The following LIMCH1 variants were observed in gnomAD, a reference collection of about 807,000 sequenced individuals.
LIMCH1 encodes the protein LIM and calponin homology domains-containing protein 1.
Under a neutral mutation model 176.5 loss-of-function variants are expected in LIMCH1, and 113 were observed. That is an observed-to-expected ratio of 0.64 (90% CI 0.55 to 0.75). LIMCH1 has a LOEUF of 0.75. Among genes scored for constraint, LIMCH1 ranks in the 30% least tolerant of loss-of-function variants. LIMCH1 has a pLI of 0.00. For missense variants in LIMCH1, 1,674 were observed against 1,814.9 expected, an observed-to-expected ratio of 0.92 and a Z score of 1.41; for synonymous variants, 619 against 645.9, an observed-to-expected ratio of 0.96 and a Z score of 0.63.
intron 2 of LIMCH1, among the ~76,000 whole-genome samples, chr4:41,513,249 C>T (rs989950714): frequency 1.3e-5 from 2 of 152,180 alleles, no homozygotes; most frequent in African/African-American, 4.8e-5. Context: ...TACTACATGG[C>T]TTTTGCATCA....
upstream of LIMCH1, among the ~76,000 whole-genome samples, chr4:41,533,172 A>T (rs966725521): frequency 1.3e-5 from 2 of 152,206 alleles, no homozygotes; most frequent in Non-Finnish European, 2.9e-5. Context: ...CCTGAGAAAG[A>T]AAGAAAGAGA....
chr4:41,651,583 A>T (rs1198072682), intron 18 of LIMCH1, among the ~76,000 whole-genome samples: 1 of 152,180 alleles, frequency 6.6e-6, no homozygotes, highest in Non-Finnish European at 1.5e-5. Flanking sequence ...AAATCTTTAA[A>T]ATACCTTTTC....
At chr4:41,446,899 G>C (rs1418626500) in intron 1 of LIMCH1, among the ~76,000 whole-genome samples, 1 of 152,134 alleles carries the variant, frequency 6.6e-6, no homozygotes, top group Non-Finnish European at 1.5e-5. Context: ...GATCAGTGTC[G>C]TGGAGACATT....
intron 1 of LIMCH1, among the ~76,000 whole-genome samples, chr4:41,544,184 A>G (rs547147275): frequency 6.6e-6 from 1 of 152,148 alleles, no homozygotes; most frequent in South Asian, 2.1e-4. Context: ...ATAAACTGCT[A>G]TTAAATAAAT....
At chr4:41,550,894 C>T (rs1415857277) in intron 1 of LIMCH1, among the ~76,000 whole-genome samples, 1 of 152,068 alleles carries the variant, frequency 6.6e-6, no homozygotes, top group Non-Finnish European at 1.5e-5. Flanking sequence ...CTTTTATAAT[C>T]GGGGCACACA....
At chr4:41,564,554 A>G (rs886730144) in intron 1 of LIMCH1, among the ~76,000 whole-genome samples, 2 of 152,154 alleles carry the variant, frequency 1.3e-5, no homozygotes, top group Non-Finnish European at 2.9e-5. Flanking sequence ...AAAAAAGTGG[A>G]TATGATCCCT....
At chr4:41,435,016 A>G (rs1209842097) in intron 1 of LIMCH1, among the ~76,000 whole-genome samples, 1 of 152,216 alleles carries the variant, frequency 6.6e-6, no homozygotes, top group African/African-American at 2.4e-5. Context: ...GCCTCTGGCT[A>G]TATTATCTTA....
intron 7 of LIMCH1, among the ~76,000 whole-genome samples, chr4:41,626,263 C>T (rs1420961778): frequency 6.6e-6 from 1 of 152,110 alleles, no homozygotes; most frequent in Non-Finnish European, 1.5e-5. Flanking sequence ...TGTCACACAG[C>T]TGCATTCATT....
rs1178623059 is a variant in LIMCH1, at chr4:41,498,431, T to C, written c.167+3825T>C. Among the ~76,000 whole-genome samples, 15 of 152,348 alleles carry C rather than the reference T, an allele frequency of 9.8e-5. 1 individual carries two copies. The highest frequency in any genetic ancestry group is 2.9e-5 in the Non-Finnish European group (2 of 68,032). The stretch of plus-strand genomic sequence containing the variant: ...AATAGAGTGCCTGTGCCCAGTGGAA[T>C]GGCAGTAGATGTGTTTTTGCCATAC... On this transcript the variant is annotated intron_variant, in intron 2 of 26. Coordinates refer to the LIMCH1 transcript ENST00000313860.
Position 41,680,181 on chromosome 4 carries a change from G to A in LIMCH1, c.3612+83G>A, listed in dbSNP as rs1011023098. The stretch of plus-strand genomic sequence containing the variant: ...AACACTCTCTGTGTCTGTGGCATGC[G>A]GATGCATGTGGCTGTGTCTGACTCT... On this transcript the variant is annotated intron_variant, in intron 24 of 31. Transcript: ENST00000503057. 2.7e-4 allele frequency: 244 copies of A among 888,528 alleles called. 1 individual carries two copies. Among genetic ancestry groups the A allele is most frequent in the Non-Finnish European group, 4.0e-5 (22 of 550,322 alleles). The allele number at this position is 888,528 out of a possible 1,614,324, so 55.0% of individuals were successfully genotyped here.
intron 1 of LIMCH1, among the ~76,000 whole-genome samples, chr4:41,442,285 G>A (rs947870315): frequency 1.3e-5 from 2 of 151,822 alleles, no homozygotes; most frequent in Non-Finnish European, 2.9e-5. Context: ...GGGCAACAGA[G>A]CCAGACCCTG....
At chr4:41,400,820 A>G (rs1195675649) in intron 1 of LIMCH1, among the ~76,000 whole-genome samples, 1 of 152,238 alleles carries the variant, frequency 6.6e-6, no homozygotes, top group Non-Finnish European at 1.5e-5. Context: ...TGAAATTTGC[A>G]ACAGAAATTT....
At chr4:41,534,038 A>G (rs545758041), upstream of LIMCH1, among the ~76,000 whole-genome samples, 4 of 152,318 alleles carry the variant, frequency 2.6e-5, no homozygotes, top group East Asian at 7.7e-4. Context: ...TTTTGTGTGC[A>G]GTAAAAGCCA....
chr4:41,615,300 C>CT (rs144675916), intron 5 of LIMCH1, among the ~76,000 whole-genome samples: 1,819 of 152,172 alleles, frequency 0.012, 23 homozygotes, highest in African/African-American at 0.03. Context: ...TCATTACCAG[C>CT]TTTGGGGGGT....
intron 5 of LIMCH1, among the ~76,000 whole-genome samples, chr4:41,614,319 T>C (rs972259650): frequency 6.6e-6 from 1 of 152,246 alleles, no homozygotes; most frequent in Non-Finnish European, 1.5e-5. Flanking sequence ...CAAAAATGTG[T>C]AATCATGTAA....
chr4:41,618,162 C>A (rs1025891625), intron 5 of LIMCH1, among the ~76,000 whole-genome samples: 1 of 152,108 alleles, frequency 6.6e-6, no homozygotes, highest in Middle Eastern at 3.2e-3. Context: ...TTATTTGTTA[C>A]CACCATAGTT....
chr4:41,619,667 C>G (rs1216731066), intron 6 of LIMCH1: 2 of 577,012 alleles, frequency 3.5e-6, no homozygotes, highest in African/African-American at 3.7e-5. Flanking sequence ...TCAGCAACTA[C>G]TTGTCTAAAT....
chr4:41,497,601 C>T (rs1277222373), intron 2 of LIMCH1, among the ~76,000 whole-genome samples: 3 of 152,082 alleles, frequency 2.0e-5, no homozygotes, highest in East Asian at 1.9e-4. Flanking sequence ...GTCAGGAGTT[C>T]AAGACCAGCC....
intron 1 of LIMCH1, among the ~76,000 whole-genome samples, chr4:41,436,113 C>T (rs2062051006): frequency 6.6e-6 from 1 of 152,104 alleles, no homozygotes; most frequent in East Asian, 1.9e-4. Context: ...TCTCTTTAAA[C>T]CTTGTTTTTC....
Sources: gnomAD v4.1 joint callset for allele counts (sites outside exome capture counted in the v4.1 genomes callset) on GRCh38, gnomAD v4.1.1 for gene constraint, MANE v1.5 for transcripts, NCBI Gene and HGNC (gene_info 2026-07-23, HGNC 2026-07-21) for gene names.